The following SASH1 variants were observed in gnomAD, a reference collection of about 807,000 sequenced individuals.
The protein encoded by SASH1 is SAM and SH3 domain containing 1.
A neutral mutation model predicts 125.2 loss-of-function variants in SASH1; 44 were observed. That is an observed-to-expected ratio of 0.35 (90% CI 0.28 to 0.45). The LOEUF is 0.45. Ranked by LOEUF, SASH1 falls within the 20% of genes least tolerant of loss-of-function variation. The pLI is 1.00. For synonymous variants in SASH1, 639 were observed against 649.1 expected, an observed-to-expected ratio of 0.98 and a Z score of 0.24; for missense variants, 1,426 against 1,614.5, an observed-to-expected ratio of 0.88 and a Z score of 2.00.
intron 1 of SASH1, among the ~76,000 whole-genome samples, chr6:148,373,666 A>C (rs1782779521): frequency 6.6e-6 from 1 of 152,068 alleles, no homozygotes; most frequent in African/African-American, 2.4e-5. Flanking sequence ...TTGATTTCCC[A>C]GTATAAAATA....
At chr6:148,429,114 T>C (rs1009474664) in intron 2 of SASH1, among the ~76,000 whole-genome samples, 1 of 152,192 alleles carries the variant, frequency 6.6e-6, no homozygotes, top group African/African-American at 2.4e-5. Context: ...GTTGTAGATC[T>C]TAAATATTTG....
intron 4 of SASH1, among the ~76,000 whole-genome samples, chr6:148,465,562 A>AG (rs1363330549): frequency 2.6e-5 from 4 of 151,814 alleles, no homozygotes; most frequent in African/African-American, 9.7e-5. Context: ...AAAAAAAAAA[A>AG]AAAAGACATC....
intron 4 of SASH1, among the ~76,000 whole-genome samples, chr6:148,441,115 G>A (rs1396705879): frequency 6.6e-6 from 1 of 152,140 alleles, no homozygotes; most frequent in Non-Finnish European, 1.5e-5. Flanking sequence ...ATCTTCCATG[G>A]TAAAAAATTT....
intron 1 of SASH1, among the ~76,000 whole-genome samples, chr6:148,307,048 C>A (rs1476382078): frequency 8.3e-6 from 1 of 120,440 alleles, no homozygotes; most frequent in Non-Finnish European, 1.7e-5. Flanking sequence ...TTCTTTCTTT[C>A]TTTCTTTCTT....
At chr6:148,546,844 G>A (rs916880623) in intron 19 of SASH1, among the ~76,000 whole-genome samples, 1 of 151,610 alleles carries the variant, frequency 6.6e-6, no homozygotes, top group Non-Finnish European at 1.5e-5. Flanking sequence ...AAACCTGATT[G>A]TTGGCTATTA....
At chr6:148,341,158 T>C (rs2114625747), upstream of SASH1, among the ~76,000 whole-genome samples, 1 of 151,950 alleles carries the variant, frequency 6.6e-6, no homozygotes, top group Admixed American at 6.6e-5. Context: ...CATACTTTTT[T>C]TTTCTTTGGA....
upstream of SASH1, among the ~76,000 whole-genome samples, chr6:148,267,328 C>T (rs1778970565): frequency 6.6e-6 from 1 of 150,694 alleles, no homozygotes; most frequent in African/African-American, 2.4e-5. Context: ...TAAACTAAGC[C>T]AGAATCTCTT....
intron 8 of SASH1, among the ~76,000 whole-genome samples, chr6:148,501,474 G>A (rs190666564): frequency 2.0e-5 from 3 of 152,290 alleles, no homozygotes; most frequent in African/African-American, 7.2e-5. Flanking sequence ...TTGGGAATGA[G>A]TGGGTTTGGT....
intron 7 of SASH1, among the ~76,000 whole-genome samples, chr6:148,486,936 AATATATATAT>A (rs68036618): frequency 1.9e-3 from 117 of 61,948 alleles, no homozygotes; most frequent in East Asian, 8.1e-3. Flanking sequence ...AACAACAACA[AATATATATAT>A]ATATATATAT....
At chr6:148,306,199 C>G (rs1308111963) in intron 1 of SASH1, among the ~76,000 whole-genome samples, 1 of 152,162 alleles carries the variant, frequency 6.6e-6, no homozygotes, top group East Asian at 1.9e-4. Context: ...GACATAAATA[C>G]CCTACCTACT....
At chr6:148,303,115 G>A (rs958297913) in intron 1 of SASH1, among the ~76,000 whole-genome samples, 13 of 151,808 alleles carry the variant, frequency 8.6e-5, no homozygotes, top group African/African-American at 3.1e-4. Flanking sequence ...TGAATAGCTG[G>A]GATTACAGGC....
chr6:148,360,479 C>T (rs1782146830), intron 1 of SASH1, among the ~76,000 whole-genome samples: 1 of 151,834 alleles, frequency 6.6e-6, no homozygotes, highest in African/African-American at 2.4e-5. Context: ...TCCTGAATAG[C>T]TGGGATTACA....
At chr6:148,283,141 G>A (rs969287077) in intron 1 of SASH1, among the ~76,000 whole-genome samples, 2 of 152,154 alleles carry the variant, frequency 1.3e-5, no homozygotes, top group African/African-American at 4.8e-5. Context: ...GGAGACATCG[G>A]CAGCTGGTCA....
chr6:148,233,736 T>A, the SASH1 span, among the ~76,000 whole-genome samples: 1 of 21,618 alleles, frequency 4.6e-5, no homozygotes, highest in South Asian at 1.0e-3. Context: ...GGCAGCTTCC[T>A]CTCTACAAAA....
the SASH1 span, among the ~76,000 whole-genome samples, chr6:148,204,744 C>G: frequency 6.6e-6 from 1 of 151,836 alleles, no homozygotes; most frequent in African/African-American, 2.4e-5. Context: ...CTACACATCA[C>G]TATAGTAAGT....
chr6:148,308,075 C>G (rs1780190453), intron 1 of SASH1, among the ~76,000 whole-genome samples: 1 of 152,054 alleles, frequency 6.6e-6, no homozygotes, highest in Non-Finnish European at 1.5e-5. Context: ...TCTTTTTGAT[C>G]TCTTTCTTGG....
intron 1 of SASH1, among the ~76,000 whole-genome samples, chr6:148,283,094 G>A (rs1207495717): frequency 1.3e-4 from 20 of 152,224 alleles, no homozygotes. Context: ...TGTGCTTGCA[G>A]TGAAGTAATA....
chr6:148,514,557 T>A (rs1583284382), intron 9 of SASH1, 101 bp downstream of exon 9: 3 of 1,110,044 alleles, frequency 2.7e-6, no homozygotes, highest in East Asian at 3.2e-5. Context: ...AGGGATACGA[T>A]TTCAAGTGGA....
chr6:148,302,706 G>T (rs541578469), intron 1 of SASH1, among the ~76,000 whole-genome samples: 1 of 142,098 alleles, frequency 7.0e-6, no homozygotes, highest in South Asian at 2.3e-4. Flanking sequence ...TACACACTGT[G>T]TATATATATA....
Sources: allele counts gnomAD v4.1 joint callset (sites outside exome capture counted in the v4.1 genomes callset), GRCh38; gene constraint gnomAD v4.1.1; transcripts MANE v1.5; gene names NCBI Gene and HGNC (gene_info 2026-07-23, HGNC 2026-07-21).